Variants in MAP4 observed in about 807,000 individuals in gnomAD.
The protein encoded by MAP4 is microtubule-associated protein 4.
A neutral mutation model predicts 170.2 loss-of-function variants in MAP4; 76 were observed. That is an observed-to-expected ratio of 0.45 (90% CI 0.37 to 0.54). The LOEUF (loss-of-function observed/expected upper bound fraction) is 0.54, where lower values mean the gene tolerates loss of function less well. Ranked by LOEUF, MAP4 falls within the 20% of genes least tolerant of loss-of-function variation. The pLI is 0.00. For synonymous variants in MAP4, 909 were observed against 994.5 expected (o/e 0.91, Z 1.62); for missense variants, 2,506 against 2,748.0 (o/e 0.91, Z 1.97).
intron 1 of MAP4, among the ~76,000 whole-genome samples, chr3:48,031,057 G>T (rs1471130654): frequency 6.6e-6 from 1 of 151,294 alleles, no homozygotes; most frequent in South Asian, 2.1e-4. Flanking sequence ...AAAATGGGAG[G>T]GGGGGGTAAG....
At position 47,875,000 on chromosome 3, in the gene MAP4, T is replaced by G. The variant is rs148281143; in HGVS notation, c.5757+685A>C. Among the ~76,000 whole-genome samples, 190 of 152,350 alleles carry G rather than the reference T, an allele frequency of 1.2e-3. 2 individuals carry two copies. The highest frequency in any genetic ancestry group is 4.2e-3 in the African/African-American group (174 of 41,578). Reference sequence around the variant, plus strand: ...CTATCCTCTCCTCCTGGAGCAATTCTGTAACACTAATGCTGCTCCAAATGT... The same window carrying G: ...CTATCCTCTCCTCCTGGAGCAATTCGGTAACACTAATGCTGCTCCAAATGT... On this transcript the variant is annotated intron_variant, in intron 12 of 20. Transcript: ENST00000683076.
In MAP4 at chr3:47,878,926, G is replaced by C. The variant is rs544745317; in HGVS notation, c.5435-1403C>G. 3.9e-5 allele frequency among the ~76,000 whole-genome samples: 6 copies of C among 152,316 alleles called. No individual in the cohort carries two copies. In the South Asian group the frequency reaches 1.2e-3, roughly 32 times the overall value. Reference sequence around the variant, plus strand: ...TAATATAGGGAAATATACTTGGTAGGTATGTGAACTGTATGACCCATAGGC... The same window carrying C: ...TAATATAGGGAAATATACTTGGTAGCTATGTGAACTGTATGACCCATAGGC... On this transcript the variant is annotated intron_variant, in intron 10 of 20. Transcript: ENST00000683076.
intron 10 of MAP4, among the ~76,000 whole-genome samples, chr3:47,880,637 C>CA (rs1009319324): frequency 2.0e-5 from 3 of 151,724 alleles, no homozygotes; most frequent in African/African-American, 7.3e-5. Context: ...GAATAATTTA[C>CA]AAAAAAAATT....
chr3:47,913,196 C>T (rs1216600407), intron 8 of MAP4, among the ~76,000 whole-genome samples: 3 of 152,132 alleles, frequency 2.0e-5, no homozygotes, highest in African/African-American at 7.2e-5. Flanking sequence ...CTGGTCTAAC[C>T]TTCCTCCCAG....
chr3:47,858,211 C>A (rs2059781090), intron 17 of MAP4, among the ~76,000 whole-genome samples: 1 of 151,860 alleles, frequency 6.6e-6, no homozygotes, highest in Non-Finnish European at 1.5e-5. Flanking sequence ...CAGGGTTTCT[C>A]CATATTGGTC....
chr3:47,864,539 T>C (rs904043226), intron 17 of MAP4, among the ~76,000 whole-genome samples: 1 of 152,074 alleles, frequency 6.6e-6, no homozygotes, highest in Non-Finnish European at 1.5e-5. Context: ...TAGCTGGGCA[T>C]TGTGGCGGGC....
chr3:48,041,304 G>T (rs183194849), intron 1 of MAP4, among the ~76,000 whole-genome samples: 1 of 151,846 alleles, frequency 6.6e-6, no homozygotes, highest in East Asian at 1.9e-4. Context: ...TAGAAATGGG[G>T]TTTCATAATG....
chr3:48,066,604 G>A (rs772878982), intron 1 of MAP4, among the ~76,000 whole-genome samples: 21 of 151,528 alleles, frequency 1.4e-4, no homozygotes, highest in Non-Finnish European at 2.1e-4. Flanking sequence ...AGTGATTCTC[G>A]TGCCTGAACC....
At chr3:48,082,373 C>T (rs189119123) in intron 1 of MAP4, among the ~76,000 whole-genome samples, 3 of 152,324 alleles carry the variant, frequency 2.0e-5, no homozygotes, top group East Asian at 1.9e-4. Context: ...GATACTCCTC[C>T]CTTCAGGGGT....
At chr3:47,853,787 C>T (rs1040048955) in intron 19 of MAP4, among the ~76,000 whole-genome samples, 26 of 152,118 alleles carry the variant, frequency 1.7e-4, no homozygotes, top group Non-Finnish European at 3.1e-4. Flanking sequence ...TCCTCAGTAG[C>T]TCCCGGGCAG....
intron 1 of MAP4, among the ~76,000 whole-genome samples, chr3:48,059,965 T>A (rs1487531646): frequency 2.3e-5 from 3 of 131,322 alleles, no homozygotes; most frequent in African/African-American, 8.0e-5. Context: ...AGAGTGAGAC[T>A]CTGTCTCAAA....
In MAP4 at chr3:47,855,736, T is replaced by G. The variant is rs906262976; in HGVS notation, c.6584-376A>C. On this transcript the variant is annotated intron_variant, in intron 18 of 20. Transcript: ENST00000683076. This position sits in a 1 kb window ranked among gnomAD's most constrained non-coding sequence, Gnocchi z 5.1. ...CCCGCTAACTGGGCCATGCAGTGCT[T>G]CTCAGGCACAGCCTCACTGAATTCT... Among the ~76,000 whole-genome samples the G allele has an allele frequency of 2.6e-5, 4 of 152,102 alleles. No individual in the cohort carries two copies. Among genetic ancestry groups the G allele is most frequent in the African/African-American group, 7.2e-5 (3 of 41,412 alleles).
intron 5 of MAP4, 117 bp from the exon 6 acceptor site, chr3:47,918,958 T>A: frequency 1.3e-6 from 1 of 797,054 alleles, no homozygotes; most frequent in Non-Finnish European, 1.9e-6. Context: ...AGACAGAGTT[T>A]CGCTCTGTTG....
At chr3:47,887,726 C>T (rs1450106280) in intron 10 of MAP4, among the ~76,000 whole-genome samples, 7 of 152,262 alleles carry the variant, frequency 4.6e-5, no homozygotes, top group Non-Finnish European at 1.0e-4. Flanking sequence ...ATTGTAAATA[C>T]ACCAATCAGC....
At chr3:48,047,423 G>C (rs1236331971) in intron 1 of MAP4, among the ~76,000 whole-genome samples, 1 of 152,036 alleles carries the variant, frequency 6.6e-6, no homozygotes, top group Non-Finnish European at 1.5e-5. Flanking sequence ...ATCAGGTAGG[G>C]TAGAGCAAGC....
chr3:48,021,353 G>GTT (rs532414824), upstream of MAP4, among the ~76,000 whole-genome samples: 2 of 142,342 alleles, frequency 1.4e-5, no homozygotes, highest in Non-Finnish European at 1.6e-5. Context: ...GTTTGTTTTT[G>GTT]TTTTTTTTTT....
At chr3:47,892,240 T>C (rs780812770) in intron 10 of MAP4, 68 of 1,536,296 alleles carry the variant, frequency 4.4e-5, no homozygotes, top group Non-Finnish European at 5.8e-5. Flanking sequence ...GCTCTTTGTC[T>C]AGCTTCCCCT....
Position 48,055,620 on chromosome 3 carries a change from C to T in MAP4, c.-20+33153G>A, listed in dbSNP as rs1401743854. ...GCCGAGATTGCAGCCTCTGCCCGGC[C>T]GCCACCCCGTCTGGGAAGTGAGGAG... On this transcript the variant is annotated intron_variant, in intron 1 of 18. Transcript: ENST00000360240. Among the ~76,000 whole-genome samples, 148 of 125,052 alleles carry T rather than the reference C, an allele frequency of 1.2e-3. 2 individuals carry two copies. The highest frequency in any genetic ancestry group is 3.6e-3 in the African/African-American group (119 of 32,716). The allele number at this position is 125,052 out of a possible 152,430, so 82.0% of individuals were successfully genotyped here.
chr3:47,936,012 A>C (rs558427524), intron 3 of MAP4, among the ~76,000 whole-genome samples: 10 of 151,886 alleles, frequency 6.6e-5, no homozygotes, highest in Non-Finnish European at 1.2e-4. Context: ...TATAAAATTA[A>C]GAATATAGCT....
Sources: gnomAD v4.1 joint callset for allele counts (sites outside exome capture counted in the v4.1 genomes callset) on GRCh38, gnomAD v4.1.1 for gene constraint, Gnocchi (gnomAD v3.1) non-coding constraint, MANE v1.5 for transcripts, NCBI Gene and HGNC (gene_info 2026-07-23, HGNC 2026-07-21) for gene names.